The following RELL1 variants were observed in gnomAD, a reference collection of about 807,000 sequenced individuals.
RELL1 encodes RELT-like protein 1.
A neutral mutation model predicts 23.0 loss-of-function variants in RELL1; 10 were observed. The observed-to-expected ratio is 0.43, with a 90% CI of 0.27 to 0.74. The LOEUF (loss-of-function observed/expected upper bound fraction) is 0.74. Among genes scored for constraint, RELL1 ranks in the 30% least tolerant of loss-of-function variants. RELL1 has a pLI of 0.19. For missense variants in RELL1, 315 were observed against 364.4 expected (o/e 0.86, Z 1.10); for synonymous variants, 146 against 146.8 (o/e 0.99, Z 0.04).
rs560530176 is a variant in RELL1 at position 37,633,988 on chromosome 4, C to T, written c.680+899G>A. 2.6e-5 allele frequency among the ~76,000 whole-genome samples: 4 copies of T among 152,344 alleles called. No individual in the cohort carries two copies. In the South Asian group the frequency reaches 6.2e-4, roughly 24 times the overall value. On this transcript the variant is annotated intron_variant, in intron 5 of 6. Coordinates refer to ENST00000454158, the MANE Select transcript of RELL1 (RefSeq NM_001085400.2). Reference sequence around the variant, plus strand: ...CTGTTGACTTTCGCTCAGTGCTCACCCGGTCTCACTCCAGCATGTGTGTTC... The same window carrying T: ...CTGTTGACTTTCGCTCAGTGCTCACTCGGTCTCACTCCAGCATGTGTGTTC...
chr4:37,640,751 T>G (rs1420805693), intron 3 of RELL1, among the ~76,000 whole-genome samples: 1 of 152,226 alleles, frequency 6.6e-6, no homozygotes. Context: ...CCATCCATTT[T>G]TTTTTTCTAA....
intron 1 of RELL1, among the ~76,000 whole-genome samples, chr4:37,664,734 C>T (rs1721472108): frequency 1.3e-5 from 2 of 151,838 alleles, no homozygotes; most frequent in Non-Finnish European, 1.5e-5. Flanking sequence ...ATTTGAAATC[C>T]CTAATCCCAA....
chr4:37,605,831 G>GAA (rs1235567438), downstream of RELL1, among the ~76,000 whole-genome samples: 2 of 111,838 alleles, frequency 1.8e-5, no homozygotes, highest in African/African-American at 2.9e-5. Context: ...AAGAAAGAAA[G>GAA]AAAGAAAGAA....
chr4:37,684,939 T>TA (rs1390216717), intron 1 of RELL1, among the ~76,000 whole-genome samples: 19 of 151,872 alleles, frequency 1.3e-4, no homozygotes, highest in African/African-American at 4.1e-4. Context: ...GGTGACAAAA[T>TA]GAGCCCCTGT....
Position 37,628,485 on chromosome 4 carries a change from G to C in RELL1, c.*3+2900C>G, listed in dbSNP as rs1265074877. ...GGTATTATAATTAATTTACTCCATG[G>C]ATCATGGACATCCATGATACTATTC... is the stretch of plus-strand genomic sequence containing the variant. On this transcript the variant is annotated intron_variant, in intron 6 of 6. Coordinates refer to ENST00000454158, the MANE Select transcript of RELL1 (RefSeq NM_001085400.2). Among the ~76,000 whole-genome samples the C allele has an allele frequency of 2.6e-5, 4 of 152,238 alleles. No individual in the cohort carries two copies. In the East Asian group the frequency reaches 7.7e-4, roughly 29 times the overall value.
exon 7 of RELL1, chr4:37,590,960 A>G: frequency 6.2e-7 from 1 of 1,613,722 alleles, no homozygotes; most frequent in Non-Finnish European, 8.5e-7. Flanking sequence ...GCAGCTTTAG[A>G]AGCTGCTACT....
chr4:37,603,512 C>A (rs1182343263), intron 6 of RELL1, among the ~76,000 whole-genome samples: 2 of 152,206 alleles, frequency 1.3e-5, no homozygotes, highest in Non-Finnish European at 2.9e-5. Context: ...GACCACACAA[C>A]ACGCCCTCAG....
intron 1 of RELL1, among the ~76,000 whole-genome samples, chr4:37,656,258 A>G (rs55844084): frequency 0.019 from 2,964 of 152,344 alleles, 64 homozygotes; most frequent in Non-Finnish European, 0.033. Context: ...ACACCAAAGG[A>G]CAAATACTAT....
chr4:37,599,748 C>T (rs190359377), intron 6 of RELL1, among the ~76,000 whole-genome samples: 2 of 152,194 alleles, frequency 1.3e-5, no homozygotes, highest in African/African-American at 2.4e-5. Context: ...GGTATTTTTG[C>T]GGCAATCGTA....
At chr4:37,681,965 ATAGTT>A (rs1259340855) in intron 1 of RELL1, among the ~76,000 whole-genome samples, 2 of 152,230 alleles carry the variant, frequency 1.3e-5, no homozygotes, top group African/African-American at 2.4e-5. Context: ...ACTCAAAAAA[ATAGTT>A]TAGTAATAAT....
chr4:37,663,940 C>T (rs1472262056), intron 1 of RELL1, among the ~76,000 whole-genome samples: 2 of 152,140 alleles, frequency 1.3e-5, no homozygotes, highest in African/African-American at 4.8e-5. Context: ...AACACTGGAA[C>T]TTGCACATAT....
chr4:37,623,413 G>A (rs1380179305), intron 6 of RELL1: 1 of 153,548 alleles, frequency 6.5e-6, no homozygotes, highest in African/African-American at 2.4e-5. Flanking sequence ...CACGGCCACT[G>A]AGCATGTAAG....
chr4:37,609,346 A>AAAAG (rs1318555598), downstream of RELL1, among the ~76,000 whole-genome samples: 4 of 152,224 alleles, frequency 2.6e-5, no homozygotes, highest in Non-Finnish European at 4.4e-5. Flanking sequence ...TGCTCAGAAA[A>AAAAG]AAAGATTCCA....
Position 37,613,227 on chromosome 4 carries a change from T to C in RELL1, c.*119A>G, listed in dbSNP as rs565171227. On this transcript the variant is annotated 3_prime_UTR_variant, in exon 7 of 7. Coordinates refer to ENST00000454158, the MANE Select transcript of RELL1 (RefSeq NM_001085400.2). ...ACAGCAATAATATTCCCTTTTAGGTTTTATCCACGTGCCTGCTGACTCCAT... is the reference window on the plus strand; with the variant it reads ...ACAGCAATAATATTCCCTTTTAGGTCTTATCCACGTGCCTGCTGACTCCAT... The C allele has an allele frequency of 5.9e-5, 9 of 152,364 alleles. 3 individuals carry two copies. Among genetic ancestry groups the C allele is most frequent in the African/African-American group, 2.2e-4 (9 of 41,580 alleles). The allele number at this position is 152,364 out of a possible 1,614,324, so 9.4% of individuals were successfully genotyped here.
At chr4:37,625,891 TA>T (rs1719920349) in intron 6 of RELL1, among the ~76,000 whole-genome samples, 1 of 150,568 alleles carries the variant, frequency 6.6e-6, no homozygotes, top group African/African-American at 2.4e-5. Flanking sequence ...TTTTTGTCAA[TA>T]AAAATAAATA....
chr4:37,628,311 T>C (rs536403835), intron 6 of RELL1, among the ~76,000 whole-genome samples: 39 of 152,230 alleles, frequency 2.6e-4, no homozygotes, highest in African/African-American at 8.4e-4. Flanking sequence ...TCTAAACAAG[T>C]TGTTTAAACT....
At chr4:37,669,009 G>A (rs1721660765) in intron 1 of RELL1, among the ~76,000 whole-genome samples, 1 of 141,802 alleles carries the variant, frequency 7.1e-6, no homozygotes, top group South Asian at 2.1e-4. Context: ...GAGAGGTGGG[G>A]GGGTCAGCCC....
In RELL1 at chr4:37,683,892, T is replaced by C. The variant is rs530991381; in HGVS notation, c.88+2308A>G. On this transcript the variant is annotated intron_variant, in intron 1 of 6. Coordinates refer to ENST00000454158, the MANE Select transcript of RELL1 (RefSeq NM_001085400.2). ...GTCAGGAGATGGAGACCATCCTGGC[T>C]AACACGGTGAAACCCCGTCTCTACT... Among the ~76,000 whole-genome samples, 122 of 149,784 alleles carry C rather than the reference T, an allele frequency of 8.1e-4. 1 individual carries two copies. The highest frequency in any genetic ancestry group is 2.8e-3 in the African/African-American group (115 of 40,728).
At position 37,639,465 on chromosome 4, in the gene RELL1, T is replaced by G. The variant is rs529260219; in HGVS notation, c.386-961A>C. On this transcript the variant is annotated intron_variant, in intron 3 of 6. Transcript: ENST00000454158. ...GTAATATACGCTAACTTTAAAAAAT[T>G]AGACTTCTAAAAAATATCCAAATTT... 5.3e-5 allele frequency among the ~76,000 whole-genome samples: 8 copies of G among 150,310 alleles called. 3 individuals carry two copies. The highest frequency in any genetic ancestry group is 2.0e-4 in the African/African-American group (8 of 40,860).
Sources: allele counts gnomAD v4.1 joint callset (sites outside exome capture counted in the v4.1 genomes callset), GRCh38; gene constraint gnomAD v4.1.1; transcripts MANE v1.5; gene names NCBI Gene and HGNC (gene_info 2026-07-23, HGNC 2026-07-21).